Variants in PDE11A observed in about 807,000 individuals in gnomAD.
PDE11A encodes dual 3',5'-cyclic-AMP and -GMP phosphodiesterase 11A.
Under a neutral mutation model 100.5 loss-of-function variants are expected in PDE11A, and 100 were observed. The observed-to-expected ratio is 1.00, with a 90% CI of 0.85 to 1.18. The LOEUF is 1.18. Ranked by LOEUF, PDE11A falls within the 50% of genes most tolerant of loss-of-function variation. The pLI is 0.00. For synonymous variants in PDE11A, 381 were observed against 420.8 expected (o/e 0.91, Z 1.16); for missense variants, 1,141 against 1,152.6 (o/e 0.99, Z 0.15).
chr2:177,782,421 T>C (rs991755281), intron 9 of PDE11A, among the ~76,000 whole-genome samples: 4 of 152,352 alleles, frequency 2.6e-5, no homozygotes, highest in Non-Finnish European at 5.9e-5. Context: ...CTTGCCACCC[T>C]ATGCCATCCA....
chr2:177,938,131 A>T (rs757635342), intron 2 of PDE11A, among the ~76,000 whole-genome samples: 4 of 152,198 alleles, frequency 2.6e-5, no homozygotes, highest in Non-Finnish European at 4.4e-5. Flanking sequence ...GAAGGTTGGA[A>T]GGGAGGAGGG....
At chr2:178,065,783 C>G (rs757242000) in intron 1 of PDE11A, among the ~76,000 whole-genome samples, 9 of 152,138 alleles carry the variant, frequency 5.9e-5, no homozygotes, top group Non-Finnish European at 8.8e-5. Flanking sequence ...TAGACCATAT[C>G]TATCAGCACT....
At chr2:177,827,915 AG>A (rs1336182354) in intron 6 of PDE11A, among the ~76,000 whole-genome samples, 2 of 152,248 alleles carry the variant, frequency 1.3e-5, no homozygotes, top group East Asian at 3.8e-4. Flanking sequence ...ATAAATCCCA[AG>A]AAACAGAGGC....
intron 1 of PDE11A, among the ~76,000 whole-genome samples, chr2:178,068,164 CTT>C (rs879422979): frequency 1.6e-4 from 25 of 152,002 alleles, no homozygotes; most frequent in Non-Finnish European, 2.6e-4. Flanking sequence ...TGTTAAATAA[CTT>C]ATAACTATCT....
intron 9 of PDE11A, among the ~76,000 whole-genome samples, chr2:177,796,818 C>G (rs918461341): frequency 6.6e-6 from 1 of 152,126 alleles, no homozygotes; most frequent in Non-Finnish European, 1.5e-5. Context: ...TGTTCTCTTT[C>G]GCACACTGTG....
intron 9 of PDE11A, among the ~76,000 whole-genome samples, chr2:177,789,744 AACAG>A (rs2082598801): frequency 6.6e-6 from 1 of 152,120 alleles, no homozygotes; most frequent in Admixed American, 6.6e-5. Flanking sequence ...ATACACCAAT[AACAG>A]ACAAACAGAG....
chr2:177,813,282 T>A (rs540382407), intron 9 of PDE11A, among the ~76,000 whole-genome samples: 69 of 152,352 alleles, frequency 4.5e-4, no homozygotes, highest in Non-Finnish European at 9.0e-4. Flanking sequence ...ACTCTTTATT[T>A]TCTTTCAATA....
At position 177,627,303 on chromosome 2, in the gene PDE11A, T is replaced by G. The variant is rs1186711642; in HGVS notation, c.*2104A>C. The G allele has an allele frequency of 1.3e-5, 2 of 152,306 alleles. No homozygotes were observed. Among genetic ancestry groups the G allele is most frequent in the Non-Finnish European group, 2.9e-5 (2 of 68,204 alleles). 9.4% of individuals were successfully genotyped at this position (152,306 alleles called of 1,614,324 possible). A position where few individuals can be genotyped will look rare whatever the true frequency, so the allele number is the denominator to read the frequency against. On this transcript the variant is annotated 3_prime_UTR_variant, in exon 20 of 20. Transcript: ENST00000286063. ...CGCCCGCCTCGGCCTTCCAAATTGC[T>G]GGGATTACAGGCGTGAGCCACCGCG...
chr2:178,081,140 C>T (rs1034404253), intron 2 of PDE11A, among the ~76,000 whole-genome samples: 3 of 152,216 alleles, frequency 2.0e-5, no homozygotes, highest in Admixed American at 6.5e-5. Flanking sequence ...ATCACAGCTA[C>T]GTGTTATAAA....
chr2:177,932,579 T>G (rs778755036), intron 2 of PDE11A, among the ~76,000 whole-genome samples: 2 of 152,132 alleles, frequency 1.3e-5, no homozygotes, highest in African/African-American at 2.4e-5. Context: ...ATCATCTCAA[T>G]AGATGAGGAA....
chr2:177,822,537 C>A (rs887907417), intron 6 of PDE11A, among the ~76,000 whole-genome samples: 1 of 152,038 alleles, frequency 6.6e-6, no homozygotes, highest in African/African-American at 2.4e-5. Context: ...AATCCTCCAA[C>A]TTTTTCCTTC....
intron 12 of PDE11A, 65 bp from the exon 13 acceptor site, chr2:177,711,943 C>T: frequency 1.2e-6 from 1 of 821,934 alleles, no homozygotes; most frequent in Non-Finnish European, 2.1e-6. Context: ...AGGTTAGGTG[C>T]TGAGCAACAG....
At chr2:177,815,466 C>T (rs1053337613) in intron 9 of PDE11A, among the ~76,000 whole-genome samples, 22 of 152,134 alleles carry the variant, frequency 1.4e-4, no homozygotes, top group African/African-American at 5.3e-4. Context: ...TGTTTTTAGT[C>T]CTTACTATAA....
intron 2 of PDE11A, chr2:178,093,050 G>A (rs1212173551): frequency 6.6e-6 from 1 of 152,170 alleles, no homozygotes; most frequent in Non-Finnish European, 1.5e-5. Context: ...GTGAACAAAA[G>A]ATTAATCTTG....
chr2:177,913,356 T>C (rs1367769393), intron 2 of PDE11A, among the ~76,000 whole-genome samples: 1 of 152,186 alleles, frequency 6.6e-6, no homozygotes, highest in East Asian at 1.9e-4. Context: ...CGCTTTTCTG[T>C]ACCGGGCAAT....
intron 10 of PDE11A, among the ~76,000 whole-genome samples, chr2:177,733,704 G>A (rs752547987): frequency 2.2e-4 from 34 of 152,122 alleles, no homozygotes; most frequent in Non-Finnish European, 3.5e-4. Context: ...TACGATTCTG[G>A]GATTAATGGA....
intron 4 of PDE11A, 95 bp downstream of exon 4, chr2:177,897,963 G>T: frequency 9.3e-7 from 1 of 1,073,182 alleles, no homozygotes; most frequent in Non-Finnish European, 1.4e-6. Flanking sequence ...CACGAAGAGT[G>T]AATCAAGTCA....
intron 9 of PDE11A, among the ~76,000 whole-genome samples, chr2:177,795,283 T>G (rs1274983407): frequency 6.6e-6 from 1 of 152,140 alleles, no homozygotes; most frequent in Non-Finnish European, 1.5e-5. Context: ...GTTTGAAAAC[T>G]TCCTTACATT....
chr2:177,840,351 G>A lies in PDE11A; in HGVS notation c.1400C>T (p.Ser467Phe). 1 of 1,613,622 alleles carries A rather than the reference G, an allele frequency of 6.2e-7. No individual in the cohort carries two copies. Among genetic ancestry groups the A allele is most frequent in the Non-Finnish European group, 8.5e-7 (1 of 1,179,520 alleles). The change falls in exon 6 of 20, where the codon TCC becomes TTC. Residue 467 changes from serine (S) to phenylalanine (F), a missense_variant. By Grantham distance (155) the Ser-to-Phe change is radical (BLOSUM62 -2). Coordinates refer to ENST00000286063, the MANE Select transcript of PDE11A (RefSeq NM_016953.4). ...FKESMEKSSY[S>F]DWLINNSIAE... ...AATGCTGTTATTTATTAGCCAGTCG[G>A]AGTATGATGATTTCTCCATGCTTTC...
Sources: allele counts gnomAD v4.1 joint callset (sites outside exome capture counted in the v4.1 genomes callset), GRCh38; gene constraint gnomAD v4.1.1; transcripts MANE v1.5; gene names NCBI Gene and HGNC (gene_info 2026-07-23, HGNC 2026-07-21).